CDK14: variants seen among roughly 807,000 people sequenced by gnomAD.
CDK14 encodes the protein cyclin-dependent kinase 14.
In CDK14, 34 loss-of-function variants were observed where a neutral mutation model predicts 60.7. That is an observed-to-expected ratio of 0.56 (90% CI 0.43 to 0.75). The LOEUF is 0.75. Among genes scored for constraint, CDK14 ranks in the 30% least tolerant of loss-of-function variants. The pLI is 0.00. For missense variants in CDK14, 482 were observed against 564.1 expected, an observed-to-expected ratio of 0.85 and a Z score of 1.47; for synonymous variants, 197 against 203.7, an observed-to-expected ratio of 0.97 and a Z score of 0.28.
rs148727159 is a variant in CDK14 at position 90,876,992 on chromosome 7, G to A, written c.639+13723G>A. ...GAGCAGTGTCTGAAGGATTTTATTA[G>A]AATTTGCTATCTTAATAGAAAATAA... On this transcript the variant is annotated intron_variant, in intron 6 of 14. Coordinates refer to ENST00000380050, the MANE Select transcript of CDK14 (RefSeq NM_001287135.2). 6.9e-3 allele frequency among the ~76,000 whole-genome samples: 1,053 copies of A among 152,208 alleles called. 4 individuals carry two copies. The highest frequency in any genetic ancestry group is 0.012 in the Non-Finnish European group (784 of 68,004).
intron 10 of CDK14, among the ~76,000 whole-genome samples, chr7:90,986,993 A>T (rs900037494): frequency 6.8e-6 from 1 of 146,072 alleles, no homozygotes; most frequent in Non-Finnish European, 1.5e-5. Flanking sequence ...AGGTTGAATT[A>T]TAAAGGAAAA....
intron 11 of CDK14, among the ~76,000 whole-genome samples, chr7:91,059,340 C>G (rs1343020660): frequency 6.6e-6 from 1 of 152,030 alleles, no homozygotes; most frequent in East Asian, 1.9e-4. Context: ...TTTTGTTGAT[C>G]TTTTCAAAAA....
chr7:90,974,154 C>T (rs369948560), intron 9 of CDK14, among the ~76,000 whole-genome samples: 2 of 152,296 alleles, frequency 1.3e-5, no homozygotes, highest in African/African-American at 4.8e-5. Flanking sequence ...ACATAACCAT[C>T]TATAGGCTTT....
intron 5 of CDK14, among the ~76,000 whole-genome samples, chr7:90,860,123 C>G (rs1790955016): frequency 6.6e-6 from 1 of 151,980 alleles, no homozygotes; most frequent in African/African-American, 2.4e-5. Flanking sequence ...AATTTATTCT[C>G]AAATTAATAC....
At chr7:90,950,236 C>T (rs1364624094) in intron 8 of CDK14, among the ~76,000 whole-genome samples, 1 of 152,034 alleles carries the variant, frequency 6.6e-6, no homozygotes, top group African/African-American at 2.4e-5. Context: ...GCCACCATAC[C>T]CAGCTGATTT....
At chr7:90,636,268 G>T (rs1800145983) in intron 2 of CDK14, among the ~76,000 whole-genome samples, 1 of 152,082 alleles carries the variant, frequency 6.6e-6, no homozygotes, top group Admixed American at 6.5e-5. Flanking sequence ...ATTGGCTGTG[G>T]GTTTGTCATA....
intron 10 of CDK14, among the ~76,000 whole-genome samples, chr7:91,033,125 G>A (rs959907207): frequency 6.6e-6 from 1 of 152,150 alleles, no homozygotes; most frequent in African/African-American, 2.4e-5. Flanking sequence ...AAAGCATCGT[G>A]GATGAATTGA....
intron 14 of CDK14, among the ~76,000 whole-genome samples, chr7:91,161,048 C>A (rs10243839): frequency 3.3e-5 from 5 of 152,146 alleles, no homozygotes; most frequent in African/African-American, 1.2e-4. Flanking sequence ...CCCACATACA[C>A]CTTGGAAAGG....
chr7:91,051,637 C>A (rs1216163808), intron 11 of CDK14, among the ~76,000 whole-genome samples: 2 of 152,180 alleles, frequency 1.3e-5, no homozygotes, highest in East Asian at 3.9e-4. Context: ...GTGTGAGATT[C>A]ATCACAGGCA....
At chr7:91,175,536 C>G (rs1372633922) in intron 14 of CDK14, among the ~76,000 whole-genome samples, 1 of 151,944 alleles carries the variant, frequency 6.6e-6, no homozygotes, top group African/African-American at 2.4e-5. Flanking sequence ...GAGTCAAGAC[C>G]CATCAGTGTG....
intron 2 of CDK14, among the ~76,000 whole-genome samples, chr7:90,649,401 CT>C (rs1800571503): frequency 6.1e-5 from 6 of 98,658 alleles, no homozygotes; most frequent in South Asian, 3.9e-4. Context: ...TTCCTTCTTT[CT>C]TTCTTTCTTT....
chr7:90,672,186 C>T (rs550958244), intron 2 of CDK14, among the ~76,000 whole-genome samples: 11 of 152,106 alleles, frequency 7.2e-5, no homozygotes, highest in East Asian at 1.9e-4. Flanking sequence ...ATTCATATGC[C>T]GTCTAATTCA....
At chr7:90,976,442 A>G (rs533497752) in intron 9 of CDK14, among the ~76,000 whole-genome samples, 16 of 151,936 alleles carry the variant, frequency 1.1e-4, no homozygotes, top group Non-Finnish European at 1.5e-4. Context: ...TGCAGCTTCA[A>G]TCTCCTGGGT....
At chr7:91,072,499 C>T (rs1349436919) in intron 11 of CDK14, among the ~76,000 whole-genome samples, 1 of 152,112 alleles carries the variant, frequency 6.6e-6, no homozygotes, top group Admixed American at 6.6e-5. Flanking sequence ...CAAAAATGTT[C>T]CCGCAAAAAC....
At chr7:90,690,563 A>G (rs1323485678) in intron 2 of CDK14, among the ~76,000 whole-genome samples, 2 of 152,158 alleles carry the variant, frequency 1.3e-5, no homozygotes, top group East Asian at 3.9e-4. Flanking sequence ...AAATACCACA[A>G]CTTAATTTAT....
chr7:91,030,414 G>A (rs1182460586), intron 10 of CDK14, among the ~76,000 whole-genome samples: 2 of 152,078 alleles, frequency 1.3e-5, no homozygotes, highest in African/African-American at 4.8e-5. Context: ...AGTCCTTAGA[G>A]AGCAATAGTT....
intron 5 of CDK14, among the ~76,000 whole-genome samples, chr7:90,793,162 T>C (rs1161939377): frequency 6.6e-6 from 1 of 152,184 alleles, no homozygotes; most frequent in Non-Finnish European, 1.5e-5. Flanking sequence ...CCTCAACATC[T>C]AGCATGGTAA....
chr7:90,746,952 C>G (rs1198221925), intron 3 of CDK14, among the ~76,000 whole-genome samples: 2 of 152,128 alleles, frequency 1.3e-5, no homozygotes, highest in Non-Finnish European at 2.9e-5. Flanking sequence ...CTTTATATAA[C>G]TGAATATTAT....
At chr7:91,118,685 G>A (rs1027231179) in intron 14 of CDK14, among the ~76,000 whole-genome samples, 1 of 152,168 alleles carries the variant, frequency 6.6e-6, no homozygotes, top group Non-Finnish European at 1.5e-5. Flanking sequence ...AAGTGTTTGC[G>A]TGTAACTGAA....
Sources: allele counts gnomAD v4.1 joint callset (sites outside exome capture counted in the v4.1 genomes callset), GRCh38; gene constraint gnomAD v4.1.1; transcripts MANE v1.5; gene names NCBI Gene and HGNC (gene_info 2026-07-23, HGNC 2026-07-21).